Variants in DMD observed in about 807,000 individuals in gnomAD.
DMD encodes the protein mutant dystrophin.
DMD carries 63 observed loss-of-function variants against 330.1 expected under a neutral mutation model. The observed-to-expected ratio is 0.19, with a 90% CI of 0.16 to 0.24. DMD has a LOEUF of 0.24. DMD is among the 10% of genes least tolerant of loss of function. DMD has a pLI of 1.00. For synonymous variants in DMD, 1,223 were observed against 959.8 expected, an observed-to-expected ratio of 1.27 and a Z score of -5.07; for missense variants, 3,344 against 2,684.1, an observed-to-expected ratio of 1.25 and a Z score of -5.43.
intron 44 of DMD, among the ~76,000 whole-genome samples, chrX:32,187,641 G>T (rs2096953498): frequency 9.0e-6 from 1 of 111,723 alleles, no homozygotes; most frequent in Non-Finnish European, 1.9e-5. Context: ...ACAATATGCT[G>T]TCTATGAATT....
intron 2 of DMD, among the ~76,000 whole-genome samples, chrX:32,988,311 A>C: frequency 8.9e-6 from 1 of 112,053 alleles, no homozygotes; most frequent in Non-Finnish European, 1.9e-5. Flanking sequence ...GCCTTCCAGA[A>C]ATCACTAAAA....
chrX:31,430,952 G>A (rs1046156056), intron 60 of DMD, among the ~76,000 whole-genome samples: 11 of 108,177 alleles, frequency 1.0e-4, no homozygotes, highest in African/African-American at 3.0e-4. Flanking sequence ...ACAGGCGCCT[G>A]CCACCATGCC....
intron 42 of DMD, among the ~76,000 whole-genome samples, chrX:32,309,296 C>T (rs2148589986): frequency 9.0e-6 from 1 of 111,390 alleles, no homozygotes; most frequent in East Asian, 2.8e-4. Flanking sequence ...ATAGCAAACC[C>T]ATCTTTTGCC....
intron 57 of DMD, among the ~76,000 whole-genome samples, chrX:31,487,374 C>T (rs2068892382): frequency 9.1e-6 from 1 of 110,222 alleles, no homozygotes; most frequent in African/African-American, 3.3e-5. Context: ...CATTCTCCTG[C>T]CTCAGCCTCC....
At chrX:31,943,736 C>T (rs2095037944) in intron 45 of DMD, among the ~76,000 whole-genome samples, 1 of 110,790 alleles carries the variant, frequency 9.0e-6, no homozygotes, top group Non-Finnish European at 1.9e-5. Context: ...ATTTTTATTA[C>T]TGTGTCTGTA....
At chrX:32,786,401 GAA>G (rs2075362863) in intron 7 of DMD, among the ~76,000 whole-genome samples, 3 of 110,543 alleles carry the variant, frequency 2.7e-5, no homozygotes, top group African/African-American at 9.9e-5. Flanking sequence ...AGTTAACTGA[GAA>G]AGAGTAGAGG....
At position 31,172,377 on chromosome X, in the gene DMD, T is replaced by G. The variant is rs768218456; in HGVS notation, c.10365A>C (p.Leu3455=). ...AEMENSNGSY[L]NDSISPNESI... is the part of the protein sequence containing the mutation. The stretch of plus-strand genomic sequence containing the variant: ...TCTCATTAGGAGAGATGCTATCATT[T>G]AGATAAGATCCATTGCTGTTTTCCA... Residue 3455 remains leucine (L), a synonymous_variant, in exon 73 of 79, where the codon CTA becomes CTC. Coordinates refer to ENST00000357033, the MANE Select transcript of DMD (RefSeq NM_004006.3). 1.7e-6 allele frequency: 2 copies of G among 1,201,431 alleles called. No homozygotes were observed.
chrX:31,502,359 A>G (rs927538000), intron 56 of DMD, among the ~76,000 whole-genome samples: 10 of 111,138 alleles, frequency 9.0e-5, no homozygotes, highest in Non-Finnish European at 1.9e-4. Context: ...ATCCAAACAT[A>G]ATTAACATTC....
intron 55 of DMD, among the ~76,000 whole-genome samples, chrX:31,539,192 C>G (rs2073633813): frequency 9.0e-6 from 1 of 111,644 alleles, no homozygotes; most frequent in Non-Finnish European, 1.9e-5. Flanking sequence ...ACTGACTAGC[C>G]ATGTCTTTCA....
intron 43 of DMD, among the ~76,000 whole-genome samples, chrX:32,246,906 A>G (rs1014284654): frequency 6.3e-5 from 7 of 110,939 alleles, no homozygotes; most frequent in African/African-American, 2.3e-4. Flanking sequence ...AGAGCCCAGA[A>G]TTGGTTTTCC....
At chrX:33,041,866 A>T in intron 1 of DMD, 1 of 552,557 alleles carries the variant, frequency 1.8e-6, no homozygotes, top group African/African-American at 2.8e-5. Context: ...TGTCTAATTT[A>T]ATATGTCAAA....
At chrX:31,714,188 T>C (rs1275396207) in intron 52 of DMD, among the ~76,000 whole-genome samples, 1 of 111,765 alleles carries the variant, frequency 8.9e-6, no homozygotes, top group East Asian at 2.8e-4. Flanking sequence ...GTTCTTAATC[T>C]AGGTATGTTA....
At chrX:32,703,167 C>T (rs774760879) in intron 7 of DMD, among the ~76,000 whole-genome samples, 1 of 111,318 alleles carries the variant, frequency 9.0e-6, no homozygotes, top group African/African-American at 3.3e-5. Flanking sequence ...TCATCCTATT[C>T]CCAATCTGAA....
At chrX:32,674,946 G>A (rs1179783972) in intron 9 of DMD, among the ~76,000 whole-genome samples, 2 of 111,060 alleles carry the variant, frequency 1.8e-5, no homozygotes, top group Non-Finnish European at 3.8e-5. Context: ...AATAATACAG[G>A]ATATAATAGA....
chrX:31,982,069 T>C (rs1019672760), intron 44 of DMD, among the ~76,000 whole-genome samples: 1 of 112,311 alleles, frequency 8.9e-6, no homozygotes, highest in Non-Finnish European at 1.9e-5. Context: ...TAATTTGGGT[T>C]TGTATGACAA....
intron 50 of DMD, among the ~76,000 whole-genome samples, chrX:31,811,315 C>A (rs2092449658): frequency 8.9e-6 from 1 of 112,040 alleles, no homozygotes; most frequent in South Asian, 3.7e-4. Flanking sequence ...TGTTGAAGGA[C>A]CTGGCCTGGG....
chrX:32,686,911 G>T (rs756239135), intron 9 of DMD, among the ~76,000 whole-genome samples: 13 of 111,269 alleles, frequency 1.2e-4, no homozygotes, highest in African/African-American at 3.3e-4. Flanking sequence ...AGGATATCAG[G>T]ATCCTAGACC....
intron 48 of DMD, among the ~76,000 whole-genome samples, chrX:31,843,724 A>G (rs1348631525): frequency 9.0e-6 from 1 of 111,104 alleles, no homozygotes; most frequent in Non-Finnish European, 1.9e-5. Flanking sequence ...ATTAGATCCC[A>G]CTTGTTAATT....
intron 51 of DMD, among the ~76,000 whole-genome samples, chrX:31,749,349 T>G (rs373894121): frequency 1.1e-5 from 1 of 91,775 alleles, no homozygotes; most frequent in African/African-American, 4.1e-5. Flanking sequence ...TGTGTCCATG[T>G]GTTCTCATTG....
Sources: allele counts gnomAD v4.1 joint callset (sites outside exome capture counted in the v4.1 genomes callset), GRCh38; gene constraint gnomAD v4.1.1; transcripts MANE v1.5; gene names NCBI Gene and HGNC (gene_info 2026-07-23, HGNC 2026-07-21).